The following NOL4 variants were observed in gnomAD, a reference collection of about 807,000 sequenced individuals.
NOL4 encodes cancer/testis antigen 125.
In NOL4, 17 loss-of-function variants were observed where a neutral mutation model predicts 75.9. That is an observed-to-expected ratio of 0.22 (90% CI 0.15 to 0.34). The LOEUF (loss-of-function observed/expected upper bound fraction) is 0.34. NOL4 is among the 10% of genes least tolerant of loss of function. The pLI, the probability that NOL4 is intolerant of heterozygous loss-of-function variation, is 1.00. For missense variants in NOL4, 614 were observed against 793.5 expected (o/e 0.77, Z 2.72); for synonymous variants, 292 against 289.9 (o/e 1.01, Z -0.07).
At position 33,900,730 on chromosome 18, in the gene NOL4, CAT is replaced by C. The variant is rs2065698627; in HGVS notation, c.1543-17308_1543-17307del. 3.3e-5 allele frequency among the ~76,000 whole-genome samples: 5 copies of C among 152,142 alleles called. No individual in the cohort carries two copies. The South Asian group carries it at 1.0e-3, about 31-fold the overall frequency. ...TCTACTGGGGAAAATAAAGTTTTGG[CAT>C]ATGTTTTCAGACATAATTTGGATCC... On this transcript the variant is annotated intron_variant, in intron 9 of 10. Transcript: ENST00000261592.
intron 9 of NOL4, among the ~76,000 whole-genome samples, chr18:33,909,401 A>C (rs2066257805): frequency 6.6e-6 from 1 of 152,180 alleles, no homozygotes; most frequent in African/African-American, 2.4e-5. Flanking sequence ...TCCTAAGTCC[A>C]CATTTCCAAG....
intron 1 of NOL4, among the ~76,000 whole-genome samples, chr18:34,203,503 T>C (rs1307680310): frequency 6.6e-6 from 1 of 151,428 alleles, no homozygotes; most frequent in East Asian, 1.9e-4. Context: ...TCAATACAAT[T>C]ATTTTGGATG....
rs182836315 is a variant in NOL4, at chr18:34,057,650, A to G, written c.772+35815T>C. Reference sequence around the variant, plus strand: ...TTACTTGCTAGGCAATTTGTTAAATACAAATTAGAATATGATTACATGCAC... The same window carrying G: ...TTACTTGCTAGGCAATTTGTTAAATGCAAATTAGAATATGATTACATGCAC... On this transcript the variant is annotated intron_variant, in intron 5 of 10. Coordinates refer to ENST00000261592, the MANE Select transcript of NOL4 (RefSeq NM_003787.5). Among the ~76,000 whole-genome samples the G allele has an allele frequency of 3.9e-5, 6 of 152,334 alleles. No individual in the cohort carries two copies. In the East Asian group the frequency reaches 9.6e-4, roughly 24 times the overall value.
At position 33,870,702 on chromosome 18, in the gene NOL4, TA is replaced by T. The variant is rs957503584; in HGVS notation, c.1723+12541del. 9.0e-3 allele frequency among the ~76,000 whole-genome samples: 1,344 copies of T among 149,728 alleles called. 19 individuals carry two copies. The highest frequency in any genetic ancestry group is 0.029 in the African/African-American group (1,173 of 40,842). On this transcript the variant is annotated intron_variant, in intron 10 of 10. Coordinates refer to ENST00000261592, the MANE Select transcript of NOL4 (RefSeq NM_003787.5). Reference sequence around the variant, plus strand: ...TAAATATGCTTTCAGGAATAAAATGTAAAAAAAAAATTCTTGTAATATTGTC... The same window carrying T: ...TAAATATGCTTTCAGGAATAAAATGTAAAAAAAAATTCTTGTAATATTGTC...
At chr18:34,049,924 T>C (rs181984546) in intron 5 of NOL4, among the ~76,000 whole-genome samples, 1 of 152,270 alleles carries the variant, frequency 6.6e-6, no homozygotes, top group African/African-American at 2.4e-5. Flanking sequence ...TTCTTGCTTG[T>C]CACCCTAATG....
At chr18:34,194,918 T>G (rs2035215423) in intron 1 of NOL4, among the ~76,000 whole-genome samples, 1 of 150,850 alleles carries the variant, frequency 6.6e-6, no homozygotes, top group Admixed American at 6.6e-5. Context: ...TAGCTACTCG[T>G]GAGGCTAGGG....
chr18:33,973,599 C>G (rs918358289), intron 6 of NOL4, among the ~76,000 whole-genome samples: 2 of 152,188 alleles, frequency 1.3e-5, no homozygotes, highest in Non-Finnish European at 2.9e-5. Context: ...AAATATAAGA[C>G]TTGAAAGTCA....
At chr18:34,035,196 G>A (rs1287607451) in intron 5 of NOL4, among the ~76,000 whole-genome samples, 1 of 152,092 alleles carries the variant, frequency 6.6e-6, no homozygotes, top group Non-Finnish European at 1.5e-5. Flanking sequence ...ATATTCTCCA[G>A]GACCTACTAT....
intron 9 of NOL4, among the ~76,000 whole-genome samples, chr18:33,885,088 A>G (rs1171812548): frequency 6.6e-6 from 1 of 152,136 alleles, no homozygotes; most frequent in African/African-American, 2.4e-5. Flanking sequence ...AAAAAAATTG[A>G]AAGGAAAACA....
In NOL4 at chr18:33,852,901, C is replaced by T; in HGVS notation, c.1858G>A (p.Ala620Thr). 6.2e-7 allele frequency: 1 copy of T among 1,613,092 alleles called. No individual in the cohort carries two copies. Among genetic ancestry groups the T allele is most frequent in the Non-Finnish European group, 8.5e-7 (1 of 1,179,440 alleles). The change falls in exon 11 of 11, where the codon GCT becomes ACT. Residue 620 changes from alanine to threonine, a missense_variant. Coordinates refer to ENST00000261592, the MANE Select transcript of NOL4 (RefSeq NM_003787.5). ...TCTGCAGATCGCAATAAAAATGCAGCTGATTCTCGATATCCTGCAACAAGC... is the reference window on the plus strand; with the variant it reads ...TCTGCAGATCGCAATAAAAATGCAGTTGATTCTCGATATCCTGCAACAAGC... ...RQLVAGYRES[A>T]AFLLRSADEL...
chr18:34,053,234 T>C (rs539991738), intron 5 of NOL4, among the ~76,000 whole-genome samples: 1 of 152,064 alleles, frequency 6.6e-6, no homozygotes, highest in Admixed American at 6.6e-5. Context: ...CACCATTCTA[T>C]GGATTTGCCT....
chr18:34,082,095 G>T (rs2078035791), intron 5 of NOL4, among the ~76,000 whole-genome samples: 1 of 152,110 alleles, frequency 6.6e-6, no homozygotes, highest in Admixed American at 6.6e-5. Context: ...AAAAATATTA[G>T]CTATATTATT....
chr18:34,142,536 A>C (rs2081215217), intron 1 of NOL4, among the ~76,000 whole-genome samples: 1 of 152,194 alleles, frequency 6.6e-6, no homozygotes, highest in South Asian at 2.1e-4. Context: ...TTGTAGGGAC[A>C]TGGATGAAGC....
chr18:33,875,647 C>T (rs527913271), intron 10 of NOL4, among the ~76,000 whole-genome samples: 27 of 152,138 alleles, frequency 1.8e-4, no homozygotes, highest in African/African-American at 5.3e-4. Flanking sequence ...CTCCTTGCCT[C>T]CAATTGCTTT....
chr18:33,976,361 T>G (rs2071488207), intron 6 of NOL4, among the ~76,000 whole-genome samples: 1 of 147,848 alleles, frequency 6.8e-6, no homozygotes, highest in African/African-American at 2.5e-5. Flanking sequence ...CATACTTCCT[T>G]GTAAAAGAAT....
intron 10 of NOL4, among the ~76,000 whole-genome samples, chr18:33,867,649 AAC>A (rs35491645): frequency 0.19 from 27,797 of 148,556 alleles, 2,801 homozygotes; most frequent in East Asian, 0.43. Context: ...TGTGTATGTA[AAC>A]ACACACACAC....
chr18:33,921,672 T>C (rs1283047788), intron 9 of NOL4, among the ~76,000 whole-genome samples: 1 of 152,168 alleles, frequency 6.6e-6, no homozygotes. Context: ...CTAGAGGTTT[T>C]TGAGGGAGCA....
chr18:34,101,804 T>C (rs1046645898), intron 4 of NOL4, among the ~76,000 whole-genome samples: 1 of 152,072 alleles, frequency 6.6e-6, no homozygotes, highest in Non-Finnish European at 1.5e-5. Flanking sequence ...CCCATCATTA[T>C]GTTAAAATAT....
At chr18:34,075,921 T>C (rs1023149357) in intron 5 of NOL4, among the ~76,000 whole-genome samples, 2 of 152,168 alleles carry the variant, frequency 1.3e-5, no homozygotes, top group African/African-American at 4.8e-5. Flanking sequence ...CAGTTACTAA[T>C]TGGTCATTTC....
Sources: allele counts gnomAD v4.1 joint callset (sites outside exome capture counted in the v4.1 genomes callset), GRCh38; gene constraint gnomAD v4.1.1; transcripts MANE v1.5; gene names NCBI Gene and HGNC (gene_info 2026-07-23, HGNC 2026-07-21).